FMO3: variants seen among roughly 807,000 people sequenced by gnomAD.
FMO3 encodes the protein flavin-containing monooxygenase 3.
A neutral mutation model predicts 39.4 loss-of-function variants in FMO3; 40 were observed. That is an observed-to-expected ratio of 1.02 (90% CI 0.79 to 1.32). The LOEUF (loss-of-function observed/expected upper bound fraction) is 1.32, where lower values mean the gene tolerates loss of function less well. Among genes scored for constraint, FMO3 ranks in the 40% most tolerant of loss-of-function variants. The pLI, the probability that FMO3 is intolerant of heterozygous loss-of-function variation, is 0.00. For synonymous variants in FMO3, 219 were observed against 228.8 expected (o/e 0.96, Z 0.39); for missense variants, 680 against 651.8 (o/e 1.04, Z -0.47).
chr1:171,113,232 G>T (rs1301380015), intron 6 of FMO3, among the ~76,000 whole-genome samples: 2 of 152,182 alleles, frequency 1.3e-5, no homozygotes, highest in East Asian at 1.9e-4. Flanking sequence ...TCCCACTACA[G>T]ATATTATTGA....
Position 171,103,892 on chromosome 1 carries a change from C to A in FMO3, c.240C>A (p.Asn80Lys), listed in dbSNP as rs759312959. ...TCCCATTTCCCGATGACTTCCCCAA[C>A]TTTATGCACAACAGCAAGATCCAGG... ...PDFPFPDDFP[N>K]FMHNSKIQEY... is the part of the protein sequence containing the mutation. Residue 80 changes from asparagine to lysine, a missense_variant, in exon 3 of 9, where the codon AAC (asparagine) becomes AAA (lysine). Asn to Lys is a moderately conservative substitution (Grantham distance 94). Coordinates refer to ENST00000367755, the MANE Select transcript of FMO3 (RefSeq NM_001002294.3). 1.9e-6 allele frequency: 3 copies of A among 1,613,790 alleles called. No homozygotes were observed. The East Asian group carries it at 6.7e-5, about 36-fold the overall frequency.
chr1:171,091,880 A>T (rs964213735), intron 1 of FMO3, among the ~76,000 whole-genome samples: 1 of 150,416 alleles, frequency 6.6e-6, no homozygotes, highest in African/African-American at 2.5e-5. Flanking sequence ...AGTAAAAAGA[A>T]GATACAGATT....
intron 2 of FMO3, among the ~76,000 whole-genome samples, chr1:171,093,305 C>CT (rs965548947): frequency 2.0e-5 from 3 of 152,108 alleles, no homozygotes; most frequent in African/African-American, 7.2e-5. Context: ...TCTCCAATGT[C>CT]TATTATTCCC....
At chr1:171,112,633 A>G (rs1655963776) in intron 6 of FMO3, among the ~76,000 whole-genome samples, 1 of 152,238 alleles carries the variant, frequency 6.6e-6, no homozygotes, top group African/African-American at 2.4e-5. Flanking sequence ...ACAGAAGTTC[A>G]GTTTTAGACA....
At chr1:171,108,005 C>A in intron 4 of FMO3, 74 bp from the exon 5 acceptor site, 1 of 1,522,626 alleles carries the variant, frequency 6.6e-7, no homozygotes, top group East Asian at 2.2e-5. Context: ...CATCTATTCA[C>A]AAGGTCGCTT....
intron 2 of FMO3, among the ~76,000 whole-genome samples, chr1:171,096,384 A>C (rs1475196911): frequency 1.0e-5 from 1 of 96,802 alleles, no homozygotes; most frequent in Non-Finnish European, 1.8e-5. Context: ...AATTATATAT[A>C]TGTTATATAT....
At chr1:171,091,892 C>T (rs7880493) in intron 1 of FMO3, among the ~76,000 whole-genome samples, 22,477 of 149,874 alleles carry the variant, frequency 0.15, 2,316 homozygotes, top group Non-Finnish European at 0.21. Flanking sequence ...ATACAGATTG[C>T]GTGTGTGTGT....
chr1:171,116,246 G>A lies in FMO3; in HGVS notation c.1222G>A (p.Asp408Asn), dbSNP rs141280604. The A allele has an allele frequency of 1.9e-6, 3 of 1,605,100 alleles. No homozygotes were observed. The highest frequency in any genetic ancestry group is 3.3e-4 in the Middle Eastern group (2 of 6,002). ...GCCTTCTATGGAAGACATGATGAATGATATTAATGAGAAAATGGAGAAAAA... is the reference window on the plus strand; with the variant it reads ...GCCTTCTATGGAAGACATGATGAATAATATTAATGAGAAAATGGAGAAAAA... ...TLPSMEDMMNDINEKMEKKRK... is the reference protein window; with the variant it reads ...TLPSMEDMMNNINEKMEKKRK... The change falls in exon 8 of 9, where the codon GAT (aspartate) becomes AAT (asparagine). Residue 408 changes from aspartate to asparagine, a missense_variant. Coordinates refer to ENST00000367755, the MANE Select transcript of FMO3 (RefSeq NM_001002294.3).
chr1:171,093,629 A>G (rs112901365), intron 2 of FMO3, among the ~76,000 whole-genome samples: 20 of 151,988 alleles, frequency 1.3e-4, no homozygotes, highest in African/African-American at 4.8e-4. Context: ...GCTATTGTGA[A>G]TGGTGCTGCG....
intron 5 of FMO3, among the ~76,000 whole-genome samples, chr1:171,108,647 T>C (rs1208412152): frequency 6.6e-6 from 1 of 152,136 alleles, no homozygotes; most frequent in Non-Finnish European, 1.5e-5. Context: ...ACTTAAGCAA[T>C]ACAGAGTGGC....
At position 171,101,907 on chromosome 1, in the gene FMO3, T is replaced by C. The variant is rs962710779; in HGVS notation, c.133-1878T>C. 8.3e-6 allele frequency: 3 copies of C among 360,552 alleles called. No homozygotes were observed. The Admixed American group carries it at 1.2e-4, about 14-fold the overall frequency. The allele number at this position is 360,552 out of a possible 1,614,324, so 22.3% of individuals were successfully genotyped here. A position where few individuals can be genotyped will look rare whatever the true frequency, so the allele number is the denominator to read the frequency against. ...TTTCTTCTGGGAATACCTCCCTTTT[T>C]TAACTTCCTCTGATTTTTTTCTGGA... On this transcript the variant is annotated intron_variant, in intron 2 of 8. Coordinates refer to ENST00000367755, the MANE Select transcript of FMO3 (RefSeq NM_001002294.3).
rs1421540373 is a variant in FMO3 at position 171,113,958 on chromosome 1, C to T, written c.828-49C>T. ...TCAATTTATATATGGACCAATAAAA[C>T]AAGAGGGAAATATTACACTTCCAAT... On this transcript the variant is annotated intron_variant, in intron 6 of 8. Coordinates refer to ENST00000367755, the MANE Select transcript of FMO3 (RefSeq NM_001002294.3). The T allele has an allele frequency of 2.2e-6, 3 of 1,334,890 alleles. No individual in the cohort carries two copies. In the East Asian group the frequency reaches 7.0e-5, roughly 31 times the overall value. 82.7% of individuals were successfully genotyped at this position (1,334,890 alleles called of 1,614,324 possible).
Position 171,117,141 on chromosome 1 carries a change from A to T in FMO3, c.1298A>T (p.Tyr433Phe). The change falls in exon 9 of 9, where the codon TAT becomes TTT. Residue 433 changes from tyrosine (Y) to phenylalanine (F), a missense_variant. Physicochemically the swap from Tyr to Phe is conservative, Grantham distance 22 (BLOSUM62 3). Coordinates refer to ENST00000367755, the MANE Select transcript of FMO3 (RefSeq NM_001002294.3). ...SETIQTDYIV[Y>F]MDELSSFIGA... ...ACCATACAGACAGATTACATTGTTT[A>T]TATGGATGAACTCTCCTCCTTCATT... 6.2e-7 allele frequency: 1 copy of T among 1,614,178 alleles called. No homozygotes were observed. Among genetic ancestry groups the T allele is most frequent in the South Asian group, 1.1e-5 (1 of 91,086 alleles).
chr1:171,100,962 G>A (rs753749131), intron 2 of FMO3: 105 of 360,776 alleles, frequency 2.9e-4, no homozygotes, highest in African/African-American at 1.2e-3. Context: ...TGAATGCATC[G>A]TTAAAAGAGA....
chr1:171,100,961 C>T (rs763515357), intron 2 of FMO3: 9 of 353,972 alleles, frequency 2.5e-5, no homozygotes, highest in Non-Finnish European at 3.4e-5. Context: ...ATGAATGCAT[C>T]GTTAAAAGAG....
intron 5 of FMO3, among the ~76,000 whole-genome samples, chr1:171,108,437 A>G (rs1655750487): frequency 6.6e-6 from 1 of 152,168 alleles, no homozygotes; most frequent in African/African-American, 2.4e-5. Context: ...CTGTCATTCA[A>G]CAATCTCCTT....
chr1:171,091,889 T>TTGTGTG (rs10636613), intron 1 of FMO3, among the ~76,000 whole-genome samples: 1 of 145,578 alleles, frequency 6.9e-6, no homozygotes, highest in African/African-American at 2.6e-5. Context: ...AAGATACAGA[T>TTGTGTG]TGCGTGTGTG....
chr1:171,094,671 CA>C (rs775625435), intron 2 of FMO3, among the ~76,000 whole-genome samples: 7 of 152,082 alleles, frequency 4.6e-5, no homozygotes, highest in Non-Finnish European at 1.0e-4. Flanking sequence ...TCTAATTTTC[CA>C]AGCACAATGT....
intron 7 of FMO3, among the ~76,000 whole-genome samples, chr1:171,115,701 C>A (rs1306182118): frequency 1.3e-5 from 2 of 152,178 alleles, no homozygotes; most frequent in East Asian, 3.9e-4. Context: ...CAAGTCAGAT[C>A]TAGTCTCCTG....
Sources: gnomAD v4.1 joint callset for allele counts (sites outside exome capture counted in the v4.1 genomes callset) on GRCh38, gnomAD v4.1.1 for gene constraint, MANE v1.5 for transcripts, NCBI Gene and HGNC (gene_info 2026-07-23, HGNC 2026-07-21) for gene names.